Variants in ADAP1 observed in about 807,000 individuals in gnomAD.
ADAP1 encodes the protein arf-GAP with dual PH domain-containing protein 1.
In ADAP1, 31 loss-of-function variants were observed where a neutral mutation model predicts 54.9. The observed-to-expected ratio is 0.56, with a 90% CI of 0.42 to 0.76. The LOEUF (loss-of-function observed/expected upper bound fraction) is 0.76. Among genes scored for constraint, ADAP1 ranks in the 30% least tolerant of loss-of-function variants. The pLI is 0.00. For missense variants in ADAP1, 535 were observed against 512.4 expected, an observed-to-expected ratio of 1.04 and a Z score of -0.42; for synonymous variants, 313 against 202.6, an observed-to-expected ratio of 1.55 and a Z score of -4.63.
At chr7:924,680 G>T (rs1846323035) in intron 3 of ADAP1, among the ~76,000 whole-genome samples, 1 of 150,748 alleles carries the variant, frequency 6.6e-6, no homozygotes, top group South Asian at 2.1e-4. Flanking sequence ...TCAGCCCTGG[G>T]AGTCTCCTCA....
chr7:907,503 G>A (rs190222910), intron 4 of ADAP1, among the ~76,000 whole-genome samples: 12 of 152,248 alleles, frequency 7.9e-5, no homozygotes, highest in South Asian at 2.1e-4. Flanking sequence ...GAACAAACAC[G>A]TGTGGCTTCA....
chr7:944,535 T>C (rs905944286), intron 1 of ADAP1, among the ~76,000 whole-genome samples: 1 of 152,196 alleles, frequency 6.6e-6, no homozygotes, highest in African/African-American at 2.4e-5. Context: ...ATTATAGGCC[T>C]GAGCCACCGA....
chr7:936,741 A>C (rs994577418), intron 1 of ADAP1, among the ~76,000 whole-genome samples: 5 of 152,166 alleles, frequency 3.3e-5, no homozygotes, highest in Non-Finnish European at 7.4e-5. Context: ...TTTTATTTTT[A>C]AGTGGAGGCT....
At chr7:900,030 T>C in intron 8 of ADAP1, 72 bp downstream of exon 8, 1 of 1,554,592 alleles carries the variant, frequency 6.4e-7, no homozygotes, top group Non-Finnish European at 8.8e-7. Context: ...CTGGCAAGGC[T>C]GCTGCACTTC....
intron 3 of ADAP1, among the ~76,000 whole-genome samples, chr7:924,229 AG>A (rs1846297082): frequency 2.0e-5 from 2 of 99,096 alleles, no homozygotes; most frequent in Non-Finnish European, 2.0e-5. Flanking sequence ...GTTACACAGC[AG>A]GTCCATGCTG....
chr7:918,498 C>T (rs943227280), intron 4 of ADAP1, among the ~76,000 whole-genome samples: 13 of 152,226 alleles, frequency 8.5e-5, no homozygotes, highest in African/African-American at 3.1e-4. Context: ...TGAGACACGG[C>T]TCCCGACCTC....
Position 899,076 on chromosome 7 carries a change from G to A in ADAP1, c.1053C>T (p.Phe351=), listed in dbSNP as rs919320779. The A allele has an allele frequency of 1.2e-6, 2 of 1,608,174 alleles. No homozygotes were observed. Among genetic ancestry groups the A allele is most frequent in the Admixed American group, 1.7e-5 (1 of 60,026 alleles). ...GCATGGGCCTGTCCACCGCCTTCTG[G>A]AAGGCCGCCACCCACTCCCTCTGGT... ...ESDQREWVAA[F]QKAVDRPMLP... Residue 351 remains phenylalanine, a synonymous_variant, in exon 10 of 11, where the codon TTC becomes TTT. Transcript: ENST00000265846.
Position 926,533 on chromosome 7 carries a change from C to T in ADAP1, c.305+20G>A. On this transcript the variant is annotated intron_variant, in intron 3 of 10. Transcript: ENST00000265846. This position sits in a 1 kb window ranked among gnomAD's most constrained non-coding sequence, Gnocchi z 4.6. ...ACCCAGCACTTGACCATGGCCCTGA[C>T]AAGGCCCCTTTGTACTCACTGGCAG... is the stretch of plus-strand genomic sequence containing the variant. 6.6e-7 allele frequency: 1 copy of T among 1,518,318 alleles called. No homozygotes were observed. 94.1% of individuals were successfully genotyped at this position (1,518,318 alleles called of 1,614,324 possible). A position where few individuals can be genotyped will look rare whatever the true frequency, so the allele number is the denominator to read the frequency against.
At chr7:936,120 C>T (rs1354337498) in intron 1 of ADAP1, among the ~76,000 whole-genome samples, 1 of 152,192 alleles carries the variant, frequency 6.6e-6, no homozygotes, top group Admixed American at 6.5e-5. Flanking sequence ...AGGGATTCCA[C>T]GTCTCGATGT....
rs2128111974 is a variant in ADAP1 at position 946,279 on chromosome 7, G to A, written c.82+8117C>T. ...CCGGCCGGTGGATCCCCGCCAGCGA[G>A]GCAGTGACCTCTGGAGCTCCTGGGT... On this transcript the variant is annotated intron_variant, in intron 1 of 10. Coordinates refer to ENST00000265846, the MANE Select transcript of ADAP1 (RefSeq NM_006869.4). This position sits in a 1 kb window ranked among gnomAD's most constrained non-coding sequence, Gnocchi z 4.3. Among the ~76,000 whole-genome samples, 1 of 152,236 alleles carries A rather than the reference G, an allele frequency of 6.6e-6. No individual in the cohort carries two copies. The highest frequency in any genetic ancestry group is 1.9e-4 in the East Asian group (1 of 5,154).
At position 954,578 on chromosome 7, in the gene ADAP1, C is replaced by A. The variant is rs948402171; in HGVS notation, c.-101G>T. ...AGGCCGCCCGCCGCCGCCGCCCCTG[C>A]GCCATCCCGGGCGGCCTCAGCCCGC... On this transcript the variant is annotated 5_prime_UTR_variant, in exon 1 of 11. Transcript: ENST00000265846. 4 of 986,740 alleles carry A rather than the reference C, an allele frequency of 4.1e-6. No individual in the cohort carries two copies. Among genetic ancestry groups the A allele is most frequent in the Non-Finnish European group, 4.8e-6 (4 of 832,166 alleles). The allele number at this position is 986,740 out of a possible 1,614,324, so 61.1% of individuals were successfully genotyped here.
rs907877174 is a variant in ADAP1 at position 910,292 on chromosome 7, C to G, written c.389-5120G>C. Among the ~76,000 whole-genome samples, 11 of 151,900 alleles carry G rather than the reference C, an allele frequency of 7.2e-5. No homozygotes were observed. The South Asian group carries it at 1.0e-3, about 14-fold the overall frequency. The stretch of plus-strand genomic sequence containing the variant: ...AGGCTTTTTTTTTTTTTTCCCCACC[C>G]AGGCTGGAGTGCAGGGGCACTATCA... On this transcript the variant is annotated intron_variant, in intron 4 of 10. Transcript: ENST00000265846.
At position 935,671 on chromosome 7, in the gene ADAP1, T is replaced by TCC. The variant is rs3215362; in HGVS notation, c.83-168_83-167dup. On this transcript the variant is annotated intron_variant, in intron 1 of 10. Transcript: ENST00000265846. ...CGCCCCACAGGCACCTAACCCCAGC[T>TCC]CCCCCCCCGCCCTCTGCCCGGTGCA... 2.9e-3 allele frequency among the ~76,000 whole-genome samples: 428 copies of TCC among 146,476 alleles called. 4 individuals carry two copies. Among genetic ancestry groups the TCC allele is most frequent in the African/African-American group, 9.2e-3 (365 of 39,538 alleles).
At chr7:921,119 C>T (rs1442148569) in intron 3 of ADAP1, among the ~76,000 whole-genome samples, 1 of 152,190 alleles carries the variant, frequency 6.6e-6, no homozygotes, top group African/African-American at 2.4e-5. Context: ...GGAGGCCAAA[C>T]GTCTGAGATC....
intron 6 of ADAP1, among the ~76,000 whole-genome samples, chr7:902,526 AAACT>A (rs975472948): frequency 7.0e-6 from 1 of 143,836 alleles, no homozygotes; most frequent in African/African-American, 2.6e-5. Context: ...GCTCTCTGAA[AAACT>A]AAATGCATGA....
intron 7 of ADAP1, 114 bp downstream of exon 7, chr7:900,419 C>T (rs1200971251): frequency 8.2e-7 from 1 of 1,218,586 alleles, no homozygotes; most frequent in Admixed American, 2.1e-5. Context: ...TTGGCCAGTC[C>T]CAGGCCCACC....
At chr7:951,112 T>C (rs991198795) in intron 1 of ADAP1, among the ~76,000 whole-genome samples, 49 of 152,092 alleles carry the variant, frequency 3.2e-4, no homozygotes, top group Non-Finnish European at 5.9e-4. Context: ...CGGTGGCTCA[T>C]GCCTGGAATC....
At chr7:954,911 C>A (rs1195700910), upstream of ADAP1, among the ~76,000 whole-genome samples, 1 of 152,040 alleles carries the variant, frequency 6.6e-6, no homozygotes, top group Non-Finnish European at 1.5e-5. Context: ...CTGGGTGGGA[C>A]CCTCGTGCCG....
At position 947,694 on chromosome 7, in the gene ADAP1, C is replaced by T. The variant is rs369383890; in HGVS notation, c.82+6702G>A. ...GCCCCGCCCTAGGCCTAGCCACCGC[C>T]ACCCGGCCTCGGTCACTGCAGCAGC... On this transcript the variant is annotated intron_variant, in intron 1 of 10. Coordinates refer to ENST00000265846, the MANE Select transcript of ADAP1 (RefSeq NM_006869.4). Among the ~76,000 whole-genome samples the T allele has an allele frequency of 1.1e-4, 16 of 152,278 alleles. No individual in the cohort carries two copies. In the East Asian group the frequency reaches 1.3e-3, roughly 13 times the overall value.
Sources: gnomAD v4.1 joint callset for allele counts (sites outside exome capture counted in the v4.1 genomes callset) on GRCh38, gnomAD v4.1.1 for gene constraint, Gnocchi (gnomAD v3.1) non-coding constraint, MANE v1.5 for transcripts, NCBI Gene and HGNC (gene_info 2026-07-23, HGNC 2026-07-21) for gene names.